RNF214: variants seen among roughly 807,000 people sequenced by gnomAD.
The protein encoded by RNF214 is ring finger protein 214.
In RNF214, 25 loss-of-function variants were observed where a neutral mutation model predicts 75.9. The observed-to-expected ratio is 0.33, with a 90% CI of 0.24 to 0.46. The LOEUF (loss-of-function observed/expected upper bound fraction) is 0.46. Ranked by LOEUF, RNF214 falls within the 20% of genes least tolerant of loss-of-function variation. The pLI, the probability that RNF214 is intolerant of heterozygous loss-of-function variation, is 1.00. For missense variants in RNF214, 725 were observed against 857.5 expected, an observed-to-expected ratio of 0.85 and a Z score of 1.93; for synonymous variants, 314 against 308.8, an observed-to-expected ratio of 1.02 and a Z score of -0.18.
At chr11:117,239,369 T>C (rs1377899442) in intron 3 of RNF214, 4 of 524,184 alleles carry the variant, frequency 7.6e-6, no homozygotes, top group East Asian at 3.2e-5. Flanking sequence ...TCTCTTTCAC[T>C]GAGTAACTGA....
chr11:117,260,114 G>A (rs1480800210), intron 6 of RNF214, among the ~76,000 whole-genome samples: 1 of 150,986 alleles, frequency 6.6e-6, no homozygotes, highest in East Asian at 1.9e-4. Context: ...GCACAACATT[G>A]GAATGTGTGT....
intron 6 of RNF214, among the ~76,000 whole-genome samples, chr11:117,260,335 A>AT (rs2033626509): frequency 6.6e-6 from 1 of 152,156 alleles, no homozygotes; most frequent in African/African-American, 2.4e-5. Context: ...GTTGAGGTTC[A>AT]TTTTTTCCAT....
intron 5 of RNF214, among the ~76,000 whole-genome samples, chr11:117,246,047 C>T (rs1479159195): frequency 6.6e-6 from 1 of 152,066 alleles, no homozygotes; most frequent in Non-Finnish European, 1.5e-5. Flanking sequence ...CTCACCGTAT[C>T]TTTGACTTTC....
chr11:117,259,938 A>G (rs2033617499), intron 6 of RNF214, among the ~76,000 whole-genome samples: 1 of 152,032 alleles, frequency 6.6e-6, no homozygotes, highest in Non-Finnish European at 1.5e-5. Context: ...CTTTTCTTTT[A>G]TAGTTAGTGC....
At chr11:117,249,915 T>C (rs1338872776) in intron 6 of RNF214, among the ~76,000 whole-genome samples, 1 of 152,100 alleles carries the variant, frequency 6.6e-6, no homozygotes, top group African/African-American at 2.4e-5. Flanking sequence ...AAGATACGAG[T>C]TTTAAGGGGC....
At chr11:117,282,882 T>C (rs1228031395) in intron 13 of RNF214, 32 bp downstream of exon 13, 9 of 1,507,320 alleles carry the variant, frequency 6.0e-6, no homozygotes, top group South Asian at 4.5e-5. Context: ...CACTGTGATA[T>C]GGAGAAGCTG....
chr11:117,285,060 T>A, intron 14 of RNF214, 26 bp from the exon 15 acceptor site: 1 of 1,548,708 alleles, frequency 6.5e-7, no homozygotes, highest in Non-Finnish European at 8.9e-7. Flanking sequence ...CAGATAAACC[T>A]GAGGTGTGTC....
At chr11:117,284,727 C>G (rs1004492100) in intron 14 of RNF214, among the ~76,000 whole-genome samples, 1 of 152,044 alleles carries the variant, frequency 6.6e-6, no homozygotes, top group Non-Finnish European at 1.5e-5. Flanking sequence ...GCCAGGAGTT[C>G]GAGACCAGCC....
At chr11:117,264,139 G>A (rs937325297) in intron 6 of RNF214, among the ~76,000 whole-genome samples, 2 of 152,006 alleles carry the variant, frequency 1.3e-5, no homozygotes, top group African/African-American at 2.4e-5. Context: ...TGGCTAACAC[G>A]GTGAAACCCC....
At chr11:117,248,365 C>A (rs1407165798) in intron 6 of RNF214, among the ~76,000 whole-genome samples, 2 of 152,162 alleles carry the variant, frequency 1.3e-5, no homozygotes. Context: ...CATGAGCCAC[C>A]GCGCCCAGCC....
intron 6 of RNF214, among the ~76,000 whole-genome samples, chr11:117,260,477 A>G (rs1394736010): frequency 6.6e-6 from 1 of 152,138 alleles, no homozygotes; most frequent in Non-Finnish European, 1.5e-5. Context: ...AATTCTGAAT[A>G]CTATTCTATT....
Position 117,244,453 on chromosome 11 carries a change from G to C in RNF214, c.687G>C (p.Met229Ile). ...TGTCTTGTTCATAATAGGATAAAATGATGACAGAGAGAACCCTGTTGAAAG... is the reference window on the plus strand; with the variant it reads ...TGTCTTGTTCATAATAGGATAAAATCATGACAGAGAGAACCCTGTTGAAAG... ...DQDIEKNLDK[M>I]MTERTLLKER... The change falls in exon 5 of 15, where the codon ATG (methionine) becomes ATC (isoleucine). Residue 229 changes from methionine to isoleucine, a missense_variant. By Grantham distance (10) the Met-to-Ile change is conservative (BLOSUM62 1). Coordinates refer to ENST00000300650, the MANE Select transcript of RNF214 (RefSeq NM_207343.4). The C allele has an allele frequency of 6.2e-7, 1 of 1,608,110 alleles. No individual in the cohort carries two copies.
intron 6 of RNF214, among the ~76,000 whole-genome samples, chr11:117,277,339 A>T (rs1025229497): frequency 2.0e-5 from 3 of 152,070 alleles, no homozygotes; most frequent in Non-Finnish European, 4.4e-5. Context: ...TTAAAAAAAA[A>T]TTGTTAGATA....
Position 117,244,921 on chromosome 11 carries a change from C to G in RNF214, c.819+336C>G, listed in dbSNP as rs776034035. Among the ~76,000 whole-genome samples, 4 of 151,914 alleles carry G rather than the reference C, an allele frequency of 2.6e-5. No homozygotes were observed. The South Asian group carries it at 8.3e-4, about 32-fold the overall frequency. ...ACTCAAGAAATCCACCCGCCTTGGC[C>G]TCCGAAAGGAGGCCTTTTTATTTCA... On this transcript the variant is annotated intron_variant, in intron 5 of 14. Coordinates refer to ENST00000300650, the MANE Select transcript of RNF214 (RefSeq NM_207343.4).
chr11:117,270,241 C>CTTTTTTTTTT (rs57144374), intron 6 of RNF214, among the ~76,000 whole-genome samples: 520 of 75,796 alleles, frequency 6.9e-3, no homozygotes, highest in Middle Eastern at 9.8e-3. Context: ...CTTTTCTTTT[C>CTTTTTTTTTT]TTTTTTTTTT....
At chr11:117,258,111 G>C (rs1434354576) in intron 6 of RNF214, among the ~76,000 whole-genome samples, 1 of 150,414 alleles carries the variant, frequency 6.6e-6, no homozygotes, top group East Asian at 2.0e-4. Context: ...TTTTGAGACA[G>C]AGTCTCGCTC....
chr11:117,242,946 A>G (rs930512721), intron 4 of RNF214, among the ~76,000 whole-genome samples: 1 of 152,180 alleles, frequency 6.6e-6, no homozygotes, highest in Non-Finnish European at 1.5e-5. Context: ...TCAGAAAAAT[A>G]TATACATTCA....
intron 6 of RNF214, among the ~76,000 whole-genome samples, chr11:117,257,143 C>G (rs1215556686): frequency 6.6e-6 from 1 of 152,150 alleles, no homozygotes; most frequent in African/African-American, 2.4e-5. Context: ...TCGAGACCAG[C>G]CTGGGCAACA....
In RNF214 at chr11:117,285,798, C is replaced by T. The variant is rs567589741; in HGVS notation, c.*647C>T. 2.6e-5 allele frequency: 4 copies of T among 152,352 alleles called. No homozygotes were observed. The highest frequency in any genetic ancestry group is 2.1e-4 in the South Asian group (1 of 4,812). The allele number at this position is 152,352 out of a possible 1,614,324, so 9.4% of individuals were successfully genotyped here. A position where few individuals can be genotyped will look rare whatever the true frequency, so the allele number is the denominator to read the frequency against. On this transcript the variant is annotated 3_prime_UTR_variant, in exon 15 of 15. Coordinates refer to ENST00000300650, the MANE Select transcript of RNF214 (RefSeq NM_207343.4). ...TTTTACATCACCAAAATTCACAGTCCGAGAATAACAACATAACCAGGTCCC... is the reference window on the plus strand; with the variant it reads ...TTTTACATCACCAAAATTCACAGTCTGAGAATAACAACATAACCAGGTCCC...
Sources: gnomAD v4.1 joint callset for allele counts (sites outside exome capture counted in the v4.1 genomes callset) on GRCh38, gnomAD v4.1.1 for gene constraint, MANE v1.5 for transcripts, NCBI Gene and HGNC (gene_info 2026-07-23, HGNC 2026-07-21) for gene names.